CTNNA2: variants seen among roughly 807,000 people sequenced by gnomAD.
CTNNA2 encodes the protein catenin alpha-2.
In CTNNA2, 42 loss-of-function variants were observed where a neutral mutation model predicts 101.0. The observed-to-expected ratio is 0.42, with a 90% confidence interval of 0.32 to 0.54. The LOEUF (loss-of-function observed/expected upper bound fraction) is 0.54, where lower values mean the gene tolerates loss of function less well. CTNNA2 is among the 20% of genes least tolerant of loss of function. The probability of loss-of-function intolerance (pLI) is 0.14; values close to 1 mark genes in which losing one functional copy is unlikely to be tolerated. For synonymous variants in CTNNA2, 450 were observed against 456.4 expected (o/e 0.99, Z 0.18); for missense variants, 871 against 1,223.1 (o/e 0.71, Z 4.29).
At chr2:80,473,448 G>A (rs763683454) in intron 9 of CTNNA2, among the ~76,000 whole-genome samples, 7 of 152,052 alleles carry the variant, frequency 4.6e-5, no homozygotes, top group Non-Finnish European at 1.0e-4. Context: ...GTTTCTACTT[G>A]GTCATTACCT....
chr2:80,131,846 T>C (rs1702432954), intron 7 of CTNNA2, among the ~76,000 whole-genome samples: 1 of 152,146 alleles, frequency 6.6e-6, no homozygotes, highest in South Asian at 2.1e-4. Flanking sequence ...TTTGGGAGCC[T>C]GAGGCAGGTG....
At chr2:80,245,794 CTTTTTTTTTTTTTTTT>C (rs34625586) in intron 7 of CTNNA2, among the ~76,000 whole-genome samples, 4 of 58,912 alleles carry the variant, frequency 6.8e-5, no homozygotes, top group Non-Finnish European at 8.6e-5. Flanking sequence ...TATGATTTAA[CTTTTTTTTTTTTTTTT>C]TTTTTTTTTT....
chr2:79,754,511 A>T (rs1353484535), intron 3 of CTNNA2, among the ~76,000 whole-genome samples: 2 of 152,128 alleles, frequency 1.3e-5, no homozygotes, highest in African/African-American at 2.4e-5. Context: ...CTATAAATAC[A>T]TAAAGCAGCA....
At chr2:79,617,031 A>G (rs1261644670) in intron 1 of CTNNA2, among the ~76,000 whole-genome samples, 1 of 151,902 alleles carries the variant, frequency 6.6e-6, no homozygotes, top group Non-Finnish European at 1.5e-5. Flanking sequence ...CCACCAAAGT[A>G]ACTGGGATTA....
intron 3 of CTNNA2, among the ~76,000 whole-genome samples, chr2:79,814,940 G>A (rs973029866): frequency 2.6e-5 from 4 of 152,212 alleles, no homozygotes; most frequent in African/African-American, 9.6e-5. Flanking sequence ...AACATCTACT[G>A]TCTTTTGATT....
chr2:79,384,777 T>G (rs560776473), intron 4 of CTNNA2, among the ~76,000 whole-genome samples: 4 of 152,268 alleles, frequency 2.6e-5, no homozygotes, highest in South Asian at 4.1e-4. Context: ...CTACCCGTGC[T>G]CAAGTCCAGC....
At chr2:80,146,114 C>CA (rs1703317969) in intron 7 of CTNNA2, among the ~76,000 whole-genome samples, 1 of 152,268 alleles carries the variant, frequency 6.6e-6, no homozygotes, top group South Asian at 2.1e-4. Context: ...TGCAGAGGAG[C>CA]ACTGAGGTGC....
In CTNNA2 at chr2:79,636,260, A is replaced by G. The variant is rs1680045342; in HGVS notation, c.-5-15292A>G. 5.1e-5 allele frequency among the ~76,000 whole-genome samples: 6 copies of G among 118,402 alleles called. No individual in the cohort carries two copies. The Admixed American group carries it at 5.7e-4, about 11-fold the overall frequency. 77.7% of individuals were successfully genotyped at this position (118,402 alleles called of 152,430 possible). A position where few individuals can be genotyped will look rare whatever the true frequency, so the allele number is the denominator to read the frequency against. The stretch of plus-strand genomic sequence containing the variant: ...ACTCCAGCCTGGGCAACAGAGTGAG[A>G]CTCTGTCTCAAAAAAAAAAAAAAAA... On this transcript the variant is annotated intron_variant, in intron 1 of 18. Transcript: ENST00000402739.
intron 9 of CTNNA2, among the ~76,000 whole-genome samples, chr2:80,511,258 G>A (rs527636569): frequency 6.6e-6 from 1 of 152,314 alleles, no homozygotes; most frequent in East Asian, 1.9e-4. Flanking sequence ...GAGTTTTAGA[G>A]ATGGAAAGAT....
At chr2:80,284,865 T>C (rs1000130146) in intron 7 of CTNNA2, among the ~76,000 whole-genome samples, 2 of 152,138 alleles carry the variant, frequency 1.3e-5, no homozygotes, top group African/African-American at 4.8e-5. Context: ...GAATAATAGT[T>C]GTTTATTACT....
At position 79,216,755 on chromosome 2, in the gene CTNNA2, G is replaced by A. The variant is rs540156766; in HGVS notation, c.-406+18679G>A. ...GGTACTTGCAGCTAAGGGTGAAGAA[G>A]GGGTTGGGGGGTTCTTGCCCCCAGA... On this transcript the variant is annotated intron_variant, in intron 2 of 21. Transcript: ENST00000466387. Among the ~76,000 whole-genome samples the A allele has an allele frequency of 4.0e-5, 6 of 151,688 alleles. No homozygotes were observed. In the South Asian group the frequency reaches 1.0e-3, roughly 26 times the overall value.
chr2:80,239,926 A>AAAAAC (rs777707884), intron 7 of CTNNA2, among the ~76,000 whole-genome samples: 2 of 152,098 alleles, frequency 1.3e-5, no homozygotes, highest in South Asian at 2.1e-4. Flanking sequence ...AAAAAAAACA[A>AAAAAC]AAAACAAAAC....
intron 7 of CTNNA2, among the ~76,000 whole-genome samples, chr2:80,300,843 C>G (rs1437489000): frequency 6.6e-6 from 1 of 151,920 alleles, no homozygotes; most frequent in East Asian, 1.9e-4. Flanking sequence ...CACCAACTGC[C>G]ACTACCACCA....
intron 7 of CTNNA2, among the ~76,000 whole-genome samples, chr2:80,004,353 A>C (rs1402996999): frequency 6.6e-6 from 1 of 152,142 alleles, no homozygotes; most frequent in Non-Finnish European, 1.5e-5. Context: ...AGGTTAGTGG[A>C]GAAAGGGACT....
chr2:79,238,202 T>A (rs1674581417), intron 2 of CTNNA2, among the ~76,000 whole-genome samples: 1 of 152,146 alleles, frequency 6.6e-6, no homozygotes, highest in Non-Finnish European at 1.5e-5. Context: ...TATTGTTGTG[T>A]CTTAGAGAAT....
At chr2:80,445,151 TTTTG>T (rs767408724) in intron 9 of CTNNA2, among the ~76,000 whole-genome samples, 29 of 152,178 alleles carry the variant, frequency 1.9e-4, no homozygotes, top group East Asian at 9.7e-4. Context: ...CTTTGTGTTT[TTTTG>T]TTTGTTTGTT....
chr2:79,303,466 A>G (rs573663816), intron 2 of CTNNA2, among the ~76,000 whole-genome samples: 1 of 152,248 alleles, frequency 6.6e-6, no homozygotes, highest in Non-Finnish European at 1.5e-5. Flanking sequence ...GTGGTCATGT[A>G]TATTTACAAG....
chr2:80,200,028 A>G (rs1424758802), intron 7 of CTNNA2, among the ~76,000 whole-genome samples: 1 of 152,200 alleles, frequency 6.6e-6, no homozygotes, highest in African/African-American at 2.4e-5. Context: ...ACACACTTAG[A>G]TACTTGGAGA....
intron 7 of CTNNA2, among the ~76,000 whole-genome samples, chr2:80,119,191 T>C (rs1328899932): frequency 6.6e-6 from 1 of 152,124 alleles, no homozygotes; most frequent in African/African-American, 2.4e-5. Context: ...GCTGTTGCGG[T>C]TGCAGGCATC....
Sources: gnomAD v4.1 joint callset for allele counts (sites outside exome capture counted in the v4.1 genomes callset) on GRCh38, gnomAD v4.1.1 for gene constraint, MANE v1.5 for transcripts, NCBI Gene and HGNC (gene_info 2026-07-23, HGNC 2026-07-21) for gene names.